Variants in GRAP2 observed in about 807,000 individuals in gnomAD.
GRAP2 encodes GRB2-related adapter protein 2.
In GRAP2, 31 loss-of-function variants were observed where a neutral mutation model predicts 43.5. The ratio of observed to expected loss-of-function variants is 0.71; its 90% CI spans 0.54 to 0.96. The LOEUF is 0.96. Among genes scored for constraint, GRAP2 ranks in the 40% least tolerant of loss-of-function variants. The pLI is 0.00. For missense variants in GRAP2, 371 were observed against 424.4 expected, an observed-to-expected ratio of 0.87 and a Z score of 1.11; for synonymous variants, 156 against 164.8, an observed-to-expected ratio of 0.95 and a Z score of 0.41.
At chr22:39,941,813 T>C (rs2066873821) in intron 1 of GRAP2, among the ~76,000 whole-genome samples, 1 of 151,942 alleles carries the variant, frequency 6.6e-6, no homozygotes, top group African/African-American at 2.4e-5. Flanking sequence ...GGTCTGACAA[T>C]TCCACATCTG....
At chr22:39,919,777 G>GT (rs1340268802) in intron 1 of GRAP2, among the ~76,000 whole-genome samples, 1 of 152,220 alleles carries the variant, frequency 6.6e-6, no homozygotes, top group Non-Finnish European at 1.5e-5. Flanking sequence ...AAGCATTGGA[G>GT]TAAGTCCTCC....
At chr22:39,966,759 T>G (rs575778808) in intron 5 of GRAP2, among the ~76,000 whole-genome samples, 1 of 152,356 alleles carries the variant, frequency 6.6e-6, no homozygotes, top group South Asian at 2.1e-4. Flanking sequence ...CAGACAGACC[T>G]GGTATGAAAT....
intron 1 of GRAP2, among the ~76,000 whole-genome samples, chr22:39,910,178 G>C (rs778242292): frequency 6.6e-6 from 1 of 152,114 alleles, no homozygotes; most frequent in East Asian, 1.9e-4. Flanking sequence ...CCTAAGTCAC[G>C]GGACTCAGAA....
At chr22:39,941,017 G>T (rs962930573) in intron 1 of GRAP2, among the ~76,000 whole-genome samples, 44 of 152,170 alleles carry the variant, frequency 2.9e-4, no homozygotes, top group Non-Finnish European at 4.3e-4. Context: ...TAGGTATGTT[G>T]CACTATCTCT....
chr22:39,909,292 G>A (rs770345809), intron 1 of GRAP2, among the ~76,000 whole-genome samples: 1 of 152,172 alleles, frequency 6.6e-6, no homozygotes, highest in Non-Finnish European at 1.5e-5. Flanking sequence ...TCCCCTAGCT[G>A]AAAAGAAATT....
chr22:39,951,326 GA>G (rs113112864), intron 2 of GRAP2, among the ~76,000 whole-genome samples: 1 of 152,188 alleles, frequency 6.6e-6, no homozygotes, highest in African/African-American at 2.4e-5. Flanking sequence ...CAGTAGCTTT[GA>G]AAAATATCTC....
At position 39,952,691 on chromosome 22, in the gene GRAP2, T is replaced by C. The variant is rs2066999228; in HGVS notation, c.79-3128T>C. ...ACTCAAATATGGGACACACTTTTAT[T>C]CCTTCAGAATAAATGACTAAATTCA... On this transcript the variant is annotated intron_variant, in intron 2 of 7. Transcript: ENST00000344138. Among the ~76,000 whole-genome samples, 3 of 152,210 alleles carry C rather than the reference T, an allele frequency of 2.0e-5. No homozygotes were observed. In the South Asian group the frequency reaches 6.2e-4, roughly 31 times the overall value.
At chr22:39,904,265 G>C (rs2066509888) in intron 1 of GRAP2, among the ~76,000 whole-genome samples, 1 of 152,200 alleles carries the variant, frequency 6.6e-6, no homozygotes, top group African/African-American at 2.4e-5. Context: ...GCAGGCGCCT[G>C]TAATCCCAGC....
chr22:39,970,578 C>T (rs1043041243), intron 7 of GRAP2, among the ~76,000 whole-genome samples: 3 of 152,114 alleles, frequency 2.0e-5, no homozygotes, highest in African/African-American at 7.2e-5. Context: ...GACGCTGGTG[C>T]GTTCTGGGAA....
At chr22:39,955,991 G>A in intron 3 of GRAP2, 81 bp downstream of exon 3, 1 of 766,858 alleles carries the variant, frequency 1.3e-6, no homozygotes, top group South Asian at 1.4e-5. Context: ...AGTTATCCAT[G>A]GGAACCCAAG....
intron 5 of GRAP2, among the ~76,000 whole-genome samples, chr22:39,966,938 T>C (rs1017770325): frequency 6.6e-6 from 1 of 152,088 alleles, no homozygotes; most frequent in African/African-American, 2.4e-5. Flanking sequence ...CTGGTCCATA[T>C]TAAACACTAA....
intron 1 of GRAP2, among the ~76,000 whole-genome samples, chr22:39,902,004 A>C (rs191768745): frequency 6.6e-6 from 1 of 152,200 alleles, no homozygotes; most frequent in Non-Finnish European, 1.5e-5. Context: ...CAAAGGTTTC[A>C]CTAATTTAAA....
At chr22:39,950,908 C>T (rs1601725528) in intron 2 of GRAP2, among the ~76,000 whole-genome samples, 1 of 152,240 alleles carries the variant, frequency 6.6e-6, no homozygotes, top group East Asian at 1.9e-4. Context: ...CTTTCAAAGC[C>T]AGCTCCTGAC....
At chr22:39,946,868 T>C (rs2066927635) in intron 1 of GRAP2, 1 of 454,938 alleles carries the variant, frequency 2.2e-6, no homozygotes, top group Non-Finnish European at 4.0e-6. Context: ...TTCCTGCTCC[T>C]GGCATCTGGG....
chr22:39,931,092 T>G (rs2066750931), intron 1 of GRAP2, among the ~76,000 whole-genome samples: 1 of 152,220 alleles, frequency 6.6e-6, no homozygotes, highest in Non-Finnish European at 1.5e-5. Context: ...AGATGGGCTG[T>G]CTAGTCCACA....
intron 1 of GRAP2, among the ~76,000 whole-genome samples, chr22:39,918,224 C>T (rs1019244301): frequency 6.6e-6 from 1 of 152,178 alleles, no homozygotes; most frequent in African/African-American, 2.4e-5. Context: ...GAATTGAAAA[C>T]CATTTCATGC....
At chr22:39,940,610 T>C (rs747466929) in intron 1 of GRAP2, among the ~76,000 whole-genome samples, 1 of 151,968 alleles carries the variant, frequency 6.6e-6, no homozygotes, top group Non-Finnish European at 1.5e-5. Context: ...CAAACACAGA[T>C]GTAAGATGCA....
At chr22:39,923,847 G>T (rs986309896) in intron 1 of GRAP2, among the ~76,000 whole-genome samples, 3 of 152,176 alleles carry the variant, frequency 2.0e-5, no homozygotes, top group African/African-American at 7.2e-5. Flanking sequence ...TCACTGCCCG[G>T]TTACAAATTC....
At chr22:39,900,629 T>G (rs748982211), upstream of GRAP2, among the ~76,000 whole-genome samples, 6 of 152,196 alleles carry the variant, frequency 3.9e-5, no homozygotes, top group Non-Finnish European at 7.3e-5. Flanking sequence ...TTCCACCTCA[T>G]GCTGGACTGT....
Sources: allele counts gnomAD v4.1 joint callset (sites outside exome capture counted in the v4.1 genomes callset), GRCh38; gene constraint gnomAD v4.1.1; transcripts MANE v1.5; gene names NCBI Gene and HGNC (gene_info 2026-07-23, HGNC 2026-07-21).